The following GUCA1C variants were observed in gnomAD, a reference collection of about 807,000 sequenced individuals.
GUCA1C encodes the protein guanylate cyclase activator 1C, also known as guanylyl cyclase-activating protein 3.
Under a neutral mutation model 16.2 loss-of-function variants are expected in GUCA1C, and 15 were observed. The ratio of observed to expected loss-of-function variants is 0.93; its 90% CI spans 0.62 to 1.43. The LOEUF (loss-of-function observed/expected upper bound fraction) is 1.43, where lower values mean the gene tolerates loss of function less well. Ranked by LOEUF, GUCA1C falls within the 40% of genes most tolerant of loss-of-function variation. The pLI, the probability that GUCA1C is intolerant of heterozygous loss-of-function variation, is 0.00. For missense variants in GUCA1C, 275 were observed against 244.8 expected (o/e 1.12, Z -0.82); for synonymous variants, 78 against 85.4 (o/e 0.91, Z 0.48).
At chr3:108,912,763 ATT>A (rs1946469516) in intron 3 of GUCA1C, among the ~76,000 whole-genome samples, 1 of 150,598 alleles carries the variant, frequency 6.6e-6, no homozygotes, top group African/African-American at 2.4e-5. Flanking sequence ...AGAATTGCAT[ATT>A]GTTTCTTGAT....
At chr3:108,942,701 A>G (rs1946799439) in intron 1 of GUCA1C, among the ~76,000 whole-genome samples, 1 of 152,208 alleles carries the variant, frequency 6.6e-6, no homozygotes, top group African/African-American at 2.4e-5. Context: ...GAGTTAGTAC[A>G]ATGTGAGGGA....
intron 2 of GUCA1C, among the ~76,000 whole-genome samples, chr3:108,917,270 G>A (rs1946527448): frequency 6.6e-6 from 1 of 152,140 alleles, no homozygotes; most frequent in Non-Finnish European, 1.5e-5. Context: ...ATTCTGAAGT[G>A]ATATTAGCCC....
In GUCA1C at chr3:108,907,951, A is replaced by G; in HGVS notation, c.*71T>C. The G allele has an allele frequency of 1.8e-6, 2 of 1,098,012 alleles. No homozygotes were observed. The highest frequency in any genetic ancestry group is 2.1e-4 in the Middle Eastern group (1 of 4,712). The allele number at this position is 1,098,012 out of a possible 1,614,324, so 68.0% of individuals were successfully genotyped here. On this transcript the variant is annotated 3_prime_UTR_variant, in exon 4 of 4. Transcript: ENST00000261047. Reference sequence around the variant, plus strand: ...AAGACCTGAAATCAACAGCATGTACATGGGGAAGATTCTATTTCTTCTCTA... The same window carrying G: ...AAGACCTGAAATCAACAGCATGTACGTGGGGAAGATTCTATTTCTTCTCTA...
At chr3:108,951,543 T>C (rs1283969252) in intron 1 of GUCA1C, among the ~76,000 whole-genome samples, 1 of 152,230 alleles carries the variant, frequency 6.6e-6, no homozygotes, top group Non-Finnish European at 1.5e-5. Context: ...CAGTTGCTAG[T>C]TTTATCAATT....
At chr3:108,925,104 T>C (rs1445969525) in intron 1 of GUCA1C, among the ~76,000 whole-genome samples, 2 of 67,436 alleles carry the variant, frequency 3.0e-5, no homozygotes, top group South Asian at 3.9e-4. Context: ...ATACCTTTTG[T>C]ATTTTTTTTT....
Position 108,941,063 on chromosome 3 carries a change from TA to T in GUCA1C, c.204+12495del, listed in dbSNP as rs35127033. ...AAAGAGATTCCCTAAGGGGCTCATT[TA>T]AAAAAAAAACAAAACCAGCAAGGAC... On this transcript the variant is annotated intron_variant, in intron 1 of 3. Coordinates refer to ENST00000261047, the MANE Select transcript of GUCA1C (RefSeq NM_005459.4). 5.9e-3 allele frequency among the ~76,000 whole-genome samples: 893 copies of T among 150,310 alleles called. 39 individuals are homozygous for T. The East Asian group carries it at 0.13, about 22-fold the overall frequency.
At chr3:108,934,321 G>T (rs1429096105) in intron 1 of GUCA1C, among the ~76,000 whole-genome samples, 1 of 152,128 alleles carries the variant, frequency 6.6e-6, no homozygotes, top group Non-Finnish European at 1.5e-5. Flanking sequence ...CTTTGCACAT[G>T]TATACCAGGA....
chr3:108,923,657 T>C (rs1187035630), intron 1 of GUCA1C, among the ~76,000 whole-genome samples: 2 of 152,184 alleles, frequency 1.3e-5, no homozygotes, highest in Admixed American at 6.5e-5. Flanking sequence ...TTGTTCCATA[T>C]GAATTTTAGA....
intron 1 of GUCA1C, among the ~76,000 whole-genome samples, chr3:108,947,625 T>A (rs1946854843): frequency 1.3e-5 from 2 of 152,210 alleles, no homozygotes; most frequent in Admixed American, 6.5e-5. Flanking sequence ...TATAGATGAA[T>A]AATAAATATT....
chr3:108,920,484 A>G lies in GUCA1C; in HGVS notation c.306T>C (p.Ala102=). The G allele has an allele frequency of 6.2e-7, 1 of 1,604,172 alleles. No homozygotes were observed. Among genetic ancestry groups the G allele is most frequent in the Non-Finnish European group, 8.5e-7 (1 of 1,171,244 alleles). ...TTTTGTCAATAGAACCATTTCCATC[A>G]GCATCATACAGCTTAAAATACCATT... is the stretch of plus-strand genomic sequence containing the variant. ...KLKWYFKLYD[A]DGNGSIDKNE... The change falls in exon 2 of 4, where the codon GCT becomes GCC. Residue 102 remains alanine (A), a synonymous_variant. Coordinates refer to ENST00000261047, the MANE Select transcript of GUCA1C (RefSeq NM_005459.4).
intron 1 of GUCA1C, among the ~76,000 whole-genome samples, chr3:108,947,333 G>A (rs770625218): frequency 3.9e-5 from 6 of 152,112 alleles, no homozygotes; most frequent in Non-Finnish European, 7.4e-5. Context: ...ATATCCTCAC[G>A]TTTGAGTAGG....
chr3:108,916,334 C>A, intron 2 of GUCA1C, 120 bp from the exon 3 acceptor site: 1 of 810,040 alleles, frequency 1.2e-6, no homozygotes, highest in Admixed American at 2.6e-5. Context: ...CCAACCTGTA[C>A]CAGTTGTTAA....
intron 2 of GUCA1C, among the ~76,000 whole-genome samples, chr3:108,919,225 T>C (rs921916088): frequency 1.3e-5 from 2 of 152,162 alleles, no homozygotes; most frequent in African/African-American, 4.8e-5. Context: ...TATGTTCTTT[T>C]TTTCCCTTTC....
At chr3:108,939,595 G>A (rs976576363) in intron 1 of GUCA1C, among the ~76,000 whole-genome samples, 2 of 151,230 alleles carry the variant, frequency 1.3e-5, no homozygotes, top group African/African-American at 4.8e-5. Flanking sequence ...CCAAAGTGTT[G>A]GGATTACAGG....
chr3:108,952,846 G>A (rs1345329335), intron 1 of GUCA1C, among the ~76,000 whole-genome samples: 1 of 151,166 alleles, frequency 6.6e-6, no homozygotes, highest in African/African-American at 2.4e-5. Flanking sequence ...GATATTTCAG[G>A]TTGTTGCTTT....
chr3:108,913,126 C>A (rs1230337443), intron 3 of GUCA1C, among the ~76,000 whole-genome samples: 1 of 151,854 alleles, frequency 6.6e-6, no homozygotes, highest in African/African-American at 2.4e-5. Flanking sequence ...TACCTAAAGT[C>A]TTTTTAGTTG....
chr3:108,924,267 T>G (rs1057079281), intron 1 of GUCA1C, among the ~76,000 whole-genome samples: 20 of 152,206 alleles, frequency 1.3e-4, no homozygotes, highest in African/African-American at 4.8e-4. Context: ...CAGTATGATG[T>G]TGGCTGTGGG....
chr3:108,953,442 C>T, intron 1 of GUCA1C, 117 bp downstream of exon 1: 1 of 673,748 alleles, frequency 1.5e-6, no homozygotes, highest in South Asian at 1.9e-5. Flanking sequence ...CTGAAGACCT[C>T]TCCATTCAGT....
chr3:108,920,727 GT>G, intron 1 of GUCA1C, 142 bp from the exon 2 acceptor site: 2 of 556,072 alleles, frequency 3.6e-6, no homozygotes, highest in South Asian at 5.5e-5. Context: ...TTTCCCTAGT[GT>G]TTCATTTAAA....
Sources: allele counts gnomAD v4.1 joint callset (sites outside exome capture counted in the v4.1 genomes callset), GRCh38; gene constraint gnomAD v4.1.1; transcripts MANE v1.5; gene names NCBI Gene and HGNC (gene_info 2026-07-23, HGNC 2026-07-21).